SLC39A8: variants seen among roughly 807,000 people sequenced by gnomAD.
SLC39A8 encodes solute carrier family 39 member 8.
A neutral mutation model predicts 40.4 loss-of-function variants in SLC39A8; 15 were observed. That is an observed-to-expected ratio of 0.37 (90% CI 0.25 to 0.57). SLC39A8 has a LOEUF of 0.57. Among genes scored for constraint, SLC39A8 ranks in the 20% least tolerant of loss-of-function variants. The probability of loss-of-function intolerance (pLI) is 0.75; values close to 1 mark genes in which losing one functional copy is unlikely to be tolerated. For synonymous variants in SLC39A8, 223 were observed against 221.6 expected, an observed-to-expected ratio of 1.01 and a Z score of -0.06; for missense variants, 472 against 558.8, an observed-to-expected ratio of 0.84 and a Z score of 1.57.
intron 6 of SLC39A8, chr4:102,269,826 TTTTTA>T (rs1443646626): frequency 6.6e-6 from 1 of 152,188 alleles, no homozygotes; most frequent in East Asian, 1.9e-4. Context: ...TATCAAATCT[TTTTTA>T]TTTTAAGAAA....
chr4:102,255,958 C>T (rs1393377063), intron 11 of SLC39A8, among the ~76,000 whole-genome samples: 6 of 152,160 alleles, frequency 3.9e-5, no homozygotes, highest in Admixed American at 3.9e-4. Flanking sequence ...AATGCTTAGA[C>T]ATGAATTCTG....
chr4:102,344,937 G>A, intron 1 of SLC39A8, 22 bp from the exon 2 acceptor site: 6 of 1,230,402 alleles, frequency 4.9e-6, no homozygotes, highest in Non-Finnish European at 6.1e-6. Context: ...AGGACAAAGG[G>A]GGACAGAGAT....
chr4:102,307,700 C>T, intron 3 of SLC39A8, 95 bp from the exon 4 acceptor site: 3 of 1,231,476 alleles, frequency 2.4e-6, no homozygotes, highest in East Asian at 2.3e-5. Context: ...TCTTTAAAAG[C>T]TTAAGACACA....
At chr4:102,285,359 A>C (rs1733118956) in intron 6 of SLC39A8, among the ~76,000 whole-genome samples, 1 of 128,426 alleles carries the variant, frequency 7.8e-6, no homozygotes, top group Non-Finnish European at 1.8e-5. Context: ...AGAGCCTTAG[A>C]ATGGGACTGA....
At chr4:102,336,472 T>A (rs1018876512) in intron 2 of SLC39A8, among the ~76,000 whole-genome samples, 1 of 152,234 alleles carries the variant, frequency 6.6e-6, no homozygotes, top group African/African-American at 2.4e-5. Context: ...GTTTATTTTT[T>A]AATTAGGTTC....
intron 6 of SLC39A8, among the ~76,000 whole-genome samples, chr4:102,277,486 G>A (rs1251974764): frequency 6.6e-6 from 1 of 152,090 alleles, no homozygotes; most frequent in South Asian, 2.1e-4. Flanking sequence ...AACAAAATAA[G>A]AGAGGACGCA....
Position 102,275,013 on chromosome 4 carries a change from A to C in SLC39A8, c.841-6934T>G, listed in dbSNP as rs7698192. On this transcript the variant is annotated intron_variant, in intron 6 of 8. Coordinates refer to ENST00000356736, the MANE Select transcript of SLC39A8 (RefSeq NM_001135146.2). ...GGCAAAAACAAAGCAAAATGTAAAG[A>C]CCATTGACACTATGAAGAAACTGCA... Among the ~76,000 whole-genome samples, 720 of 152,314 alleles carry C rather than the reference A, an allele frequency of 4.7e-3. 6 individuals carry two copies. Among genetic ancestry groups the C allele is most frequent in the African/African-American group, 0.017 (696 of 41,570 alleles).
At chr4:102,309,794 C>T (rs966117967) in intron 3 of SLC39A8, among the ~76,000 whole-genome samples, 8 of 152,164 alleles carry the variant, frequency 5.3e-5, no homozygotes, top group South Asian at 2.1e-4. Flanking sequence ...ACAGTAGGAT[C>T]AATTTCAGTT....
downstream of SLC39A8, chr4:102,259,357 G>T (rs148804940): frequency 4.4e-4 from 357 of 810,204 alleles, 1 homozygote; most frequent in African/African-American, 5.3e-3. Context: ...TACTGTTGTG[G>T]GAATAACATG....
Position 102,304,950 on chromosome 4 carries a change from G to A in SLC39A8, c.675+39C>T, listed in dbSNP as rs199982257. On this transcript the variant is annotated intron_variant, in intron 5 of 8. Coordinates refer to ENST00000356736, the MANE Select transcript of SLC39A8 (RefSeq NM_001135146.2). ...ATTTGCCTATATAAAGTAGCTTTAG[G>A]GGGTAAAATATTGGATGTTTTAAAT... is the stretch of plus-strand genomic sequence containing the variant. 4.8e-5 allele frequency: 74 copies of A among 1,547,232 alleles called. No homozygotes were observed. In the East Asian group the frequency reaches 1.3e-3, roughly 27 times the overall value.
chr4:102,340,425 G>T (rs907672538), intron 2 of SLC39A8, among the ~76,000 whole-genome samples: 1 of 152,174 alleles, frequency 6.6e-6, no homozygotes, highest in African/African-American at 2.4e-5. Context: ...CTCTTGAGAA[G>T]ATCAAGAAAG....
rs147030057 is a variant in SLC39A8 at position 102,333,110 on chromosome 4, C to T, written c.219+11334G>A. On this transcript the variant is annotated intron_variant, in intron 2 of 8. Transcript: ENST00000356736. ...AGTAAACCACCATGTCACGCGTATA[C>T]CTAAGTAACAAACCTGCATGTTCTG... Among the ~76,000 whole-genome samples the T allele has an allele frequency of 2.1e-3, 322 of 152,100 alleles. 2 individuals carry two copies. The highest frequency in any genetic ancestry group is 7.2e-3 in the African/African-American group (299 of 41,470).
At position 102,262,082 on chromosome 4, in the gene SLC39A8, G is replaced by C. The variant is rs1316575217; in HGVS notation, c.*962C>G. On this transcript the variant is annotated 3_prime_UTR_variant, in exon 9 of 9. Coordinates refer to ENST00000356736, the MANE Select transcript of SLC39A8 (RefSeq NM_001135146.2). The stretch of plus-strand genomic sequence containing the variant: ...TCTCGATCACACATAAGGAACATAT[G>C]TTTTCCAGTTAATCTGTCCTTGATG... 3.0e-6 allele frequency: 3 copies of C among 985,784 alleles called. No homozygotes were observed. Among genetic ancestry groups the C allele is most frequent in the Non-Finnish European group, 3.6e-6 (3 of 829,906 alleles). The allele number at this position is 985,784 out of a possible 1,614,324, so 61.1% of individuals were successfully genotyped here. A position where few individuals can be genotyped will look rare whatever the true frequency, so the allele number is the denominator to read the frequency against.
chr4:102,290,897 T>C (rs576026356), intron 6 of SLC39A8, among the ~76,000 whole-genome samples: 125 of 152,228 alleles, frequency 8.2e-4, no homozygotes, highest in South Asian at 2.3e-3. Flanking sequence ...CATCCCATCT[T>C]AGAATAAGAA....
chr4:102,321,842 T>C (rs1307747878), intron 2 of SLC39A8, among the ~76,000 whole-genome samples: 1 of 151,726 alleles, frequency 6.6e-6, no homozygotes, highest in African/African-American at 2.4e-5. Flanking sequence ...TGAGTGGGAG[T>C]AGTGGAGCTG....
At chr4:102,303,697 T>C (rs531219692) in intron 6 of SLC39A8, among the ~76,000 whole-genome samples, 19 of 151,844 alleles carry the variant, frequency 1.3e-4, no homozygotes, top group Non-Finnish European at 4.4e-5. Context: ...TGTGCATATA[T>C]AATTTTGTTT....
intron 3 of SLC39A8, among the ~76,000 whole-genome samples, chr4:102,313,470 C>T (rs1020496532): frequency 1.3e-5 from 2 of 152,108 alleles, no homozygotes; most frequent in Non-Finnish European, 2.9e-5. Context: ...AGTGTACATG[C>T]ACAAAGGAAT....
intron 3 of SLC39A8, among the ~76,000 whole-genome samples, chr4:102,314,378 G>A (rs1319525635): frequency 6.6e-6 from 1 of 152,020 alleles, no homozygotes; most frequent in Non-Finnish European, 1.5e-5. Context: ...CAGGTGGAAT[G>A]CCCTTTTAAC....
chr4:102,282,715 C>CACT, intron 6 of SLC39A8, among the ~76,000 whole-genome samples: 1 of 152,044 alleles, frequency 6.6e-6, no homozygotes, highest in South Asian at 2.1e-4. Context: ...GTGATCAAGG[C>CACT]AGTTTTTTGT....
Sources: gnomAD v4.1 joint callset for allele counts (sites outside exome capture counted in the v4.1 genomes callset) on GRCh38, gnomAD v4.1.1 for gene constraint, MANE v1.5 for transcripts, NCBI Gene and HGNC (gene_info 2026-07-23, HGNC 2026-07-21) for gene names.